Variants in TCF4 observed in about 807,000 individuals in gnomAD.
TCF4 encodes transcription factor 4, also known as SL3-3 enhancer factor 2.
TCF4 carries 3 observed loss-of-function variants against 82.1 expected under a neutral mutation model. That is an observed-to-expected ratio of 0.04 (90% CI 0.02 to 0.09). TCF4 has a LOEUF of 0.09. Among genes scored for constraint, TCF4 ranks in the 10% least tolerant of loss-of-function variants. TCF4 has a pLI of 1.00. For missense variants in TCF4, 518 were observed against 852.7 expected (o/e 0.61, Z 4.89); for synonymous variants, 276 against 309.6 (o/e 0.89, Z 1.14).
chr18:55,427,247 G>A (rs2095028651), intron 5 of TCF4, among the ~76,000 whole-genome samples: 1 of 152,038 alleles, frequency 6.6e-6, no homozygotes, highest in Non-Finnish European at 1.5e-5. Flanking sequence ...TTAAAGAAGA[G>A]GTACTGGATG....
chr18:55,552,554 C>T (rs1055730539), intron 3 of TCF4, among the ~76,000 whole-genome samples: 1 of 152,084 alleles, frequency 6.6e-6, no homozygotes. Flanking sequence ...TTTTTTCAGT[C>T]GCCAAGAGGA....
At chr18:55,586,906 G>A in intron 2 of TCF4, 139 bp downstream of exon 2, 2 of 662,304 alleles carry the variant, frequency 3.0e-6, no homozygotes, top group Non-Finnish European at 5.2e-6. Flanking sequence ...TTGTCAAAAA[G>A]ACCTTCATAT....
intron 15 of TCF4, among the ~76,000 whole-genome samples, chr18:55,235,858 C>G (rs1259438170): frequency 6.6e-6 from 1 of 152,094 alleles, no homozygotes; most frequent in Non-Finnish European, 1.5e-5. Flanking sequence ...AGAATCATCA[C>G]TCTTGTGTTA....
At chr18:55,318,184 A>G (rs746262498) in intron 8 of TCF4, among the ~76,000 whole-genome samples, 1 of 152,130 alleles carries the variant, frequency 6.6e-6, no homozygotes, top group Non-Finnish European at 1.5e-5. Flanking sequence ...GATATGCTAT[A>G]ATATTAGATA....
At chr18:55,585,789 CAAATAA>C in intron 2 of TCF4, 1 of 1,099,110 alleles carries the variant, frequency 9.1e-7, no homozygotes, top group Non-Finnish European at 1.1e-6. Context: ...TATGTGAACC[CAAATAA>C]AAATAAAAGT....
At chr18:55,375,578 T>A (rs1309630759) in intron 6 of TCF4, among the ~76,000 whole-genome samples, 2 of 152,142 alleles carry the variant, frequency 1.3e-5, no homozygotes, top group Non-Finnish European at 2.9e-5. Context: ...AAAGACACTT[T>A]AAGAGACAAC....
intron 3 of TCF4, among the ~76,000 whole-genome samples, chr18:55,579,622 C>T (rs1336975536): frequency 6.6e-6 from 1 of 151,920 alleles, no homozygotes; most frequent in Non-Finnish European, 1.5e-5. Context: ...TTTCAAAACA[C>T]ACCATGTTCC....
At chr18:55,406,845 C>T (rs1255864250) in intron 5 of TCF4, among the ~76,000 whole-genome samples, 1 of 152,202 alleles carries the variant, frequency 6.6e-6, no homozygotes, top group Non-Finnish European at 1.5e-5. Context: ...GCGTTCACTG[C>T]GGAATTTTCG....
At chr18:55,235,481 C>T (rs777916528) in intron 15 of TCF4, among the ~76,000 whole-genome samples, 91 of 152,116 alleles carry the variant, frequency 6.0e-4, no homozygotes, top group Non-Finnish European at 1.2e-3. Flanking sequence ...TGTAAATACT[C>T]TTTATGCTTC....
intron 8 of TCF4, among the ~76,000 whole-genome samples, chr18:55,289,033 CTA>C (rs1277852838): frequency 6.6e-6 from 1 of 152,210 alleles, no homozygotes; most frequent in Non-Finnish European, 1.5e-5. Flanking sequence ...AGCAGACACT[CTA>C]TGTTTCCTAT....
intron 3 of TCF4, among the ~76,000 whole-genome samples, chr18:55,498,962 A>G (rs2096667325): frequency 6.6e-6 from 1 of 152,202 alleles, no homozygotes; most frequent in Non-Finnish European, 1.5e-5. Flanking sequence ...CCAGAATACA[A>G]GATTACACTT....
intron 5 of TCF4, among the ~76,000 whole-genome samples, chr18:55,416,529 C>T (rs2094530495): frequency 6.6e-6 from 1 of 152,148 alleles, no homozygotes; most frequent in Non-Finnish European, 1.5e-5. Context: ...ATTCACGAAA[C>T]AAAAACAATA....
At chr18:55,621,023 G>T (rs2097717437) in intron 2 of TCF4, among the ~76,000 whole-genome samples, 1 of 152,028 alleles carries the variant, frequency 6.6e-6, no homozygotes, top group Admixed American at 6.6e-5. Flanking sequence ...TTGTGATCTG[G>T]TAGTAATACC....
chr18:55,228,469 C>T (rs554429614), intron 18 of TCF4, 108 bp from the exon 19 acceptor site: 2 of 1,479,906 alleles, frequency 1.4e-6, no homozygotes, highest in Admixed American at 1.7e-5. Context: ...GTTTATATTA[C>T]AGAACAAAAG....
At chr18:55,279,142 A>G (rs944852764) in intron 9 of TCF4, among the ~76,000 whole-genome samples, 5 of 152,156 alleles carry the variant, frequency 3.3e-5, no homozygotes, top group East Asian at 3.9e-4. Flanking sequence ...AAAATTTTAC[A>G]TAAGGTTATA....
intron 3 of TCF4, among the ~76,000 whole-genome samples, chr18:55,518,332 A>T (rs774741823): frequency 2.0e-5 from 3 of 152,202 alleles, no homozygotes; most frequent in Non-Finnish European, 4.4e-5. Context: ...CAAAATTTCA[A>T]AGACTCTATC....
At chr18:55,483,129 CTT>C (rs1003262192) in intron 3 of TCF4, among the ~76,000 whole-genome samples, 12 of 152,208 alleles carry the variant, frequency 7.9e-5, no homozygotes, top group African/African-American at 2.9e-4. Context: ...CTCGGCGACT[CTT>C]GGTGAAATGG....
At chr18:55,517,041 G>A (rs899113324) in intron 3 of TCF4, among the ~76,000 whole-genome samples, 1 of 152,158 alleles carries the variant, frequency 6.6e-6, no homozygotes, top group Non-Finnish European at 1.5e-5. Flanking sequence ...TAGCAACAGA[G>A]GTTAGGAAAA....
At position 55,225,886 on chromosome 18, in the gene TCF4, T is replaced by C. The variant is rs2144298141; in HGVS notation, c.*2149A>G. 6.5e-6 allele frequency: 1 copy of C among 152,730 alleles called. No individual in the cohort carries two copies. The highest frequency in any genetic ancestry group is 6.5e-5 in the Admixed American group (1 of 15,300). 9.5% of individuals were successfully genotyped at this position (152,730 alleles called of 1,614,324 possible). A position where few individuals can be genotyped will look rare whatever the true frequency, so the allele number is the denominator to read the frequency against. On this transcript the variant is annotated 3_prime_UTR_variant, in exon 20 of 20. Coordinates refer to ENST00000354452, the MANE Select transcript of TCF4 (RefSeq NM_001083962.2). ...AGTTTTTCAACACACACACAGCTAA[T>C]CAAAATGTTTATGGGTTTGTAAAAG...
Sources: allele counts gnomAD v4.1 joint callset (sites outside exome capture counted in the v4.1 genomes callset), GRCh38; gene constraint gnomAD v4.1.1; transcripts MANE v1.5; gene names NCBI Gene and HGNC (gene_info 2026-07-23, HGNC 2026-07-21).